The following SMIM1 variants were observed in gnomAD, a reference collection of about 807,000 sequenced individuals.
SMIM1 encodes the protein small integral membrane protein 1 (Vel blood group), also known as small integral membrane protein 1.
A neutral mutation model predicts 7.7 loss-of-function variants in SMIM1; 7 were observed. The ratio of observed to expected loss-of-function variants is 0.91; its 90% CI spans 0.52 to 1.71. The LOEUF (loss-of-function observed/expected upper bound fraction) is 1.71, where lower values mean the gene tolerates loss of function less well. Among genes scored for constraint, SMIM1 ranks in the 40% most tolerant of loss-of-function variants. SMIM1 has a pLI of 0.00. For synonymous variants in SMIM1, 41 were observed against 42.7 expected (o/e 0.96, Z 0.16); for missense variants, 95 against 102.8 (o/e 0.92, Z 0.33).
At chr1:3,773,765 G>A (rs1041746818) in intron 2 of SMIM1, among the ~76,000 whole-genome samples, 1 of 152,196 alleles carries the variant, frequency 6.6e-6, no homozygotes, top group African/African-American at 2.4e-5. Flanking sequence ...TATTAAGCTT[G>A]TCTTACCCGG....
At chr1:3,773,789 C>T (rs1643418358) in intron 2 of SMIM1, among the ~76,000 whole-genome samples, 1 of 152,134 alleles carries the variant, frequency 6.6e-6, no homozygotes, top group Non-Finnish European at 1.5e-5. Context: ...ATGGCTGTTA[C>T]CTGGGGCTGG....
rs1643453140 is a variant in SMIM1, at chr1:3,775,952, C to T, written c.*31C>T. ...GCCCCGCATGCACGCGGGGGGCTGG[C>T]CGCACACGTGAGAGCACAGGCCTGG... On this transcript the variant is annotated 3_prime_UTR_variant, in exon 4 of 4. Transcript: ENST00000642557. This position sits in a 1 kb window ranked among gnomAD's most constrained non-coding sequence, Gnocchi z 5.3. 6.5e-7 allele frequency: 1 copy of T among 1,541,032 alleles called. No individual in the cohort carries two copies. Among genetic ancestry groups the T allele is most frequent in the African/African-American group, 1.4e-5 (1 of 73,174 alleles).
At chr1:3,774,722 C>T (rs1643431592) in intron 2 of SMIM1, among the ~76,000 whole-genome samples, 1 of 152,162 alleles carries the variant, frequency 6.6e-6, no homozygotes, top group East Asian at 1.9e-4. Context: ...CCCCAGCCCT[C>T]CTAGAGGTGT....
At chr1:3,774,911 G>A (rs893327424) in intron 2 of SMIM1, among the ~76,000 whole-genome samples, 9 of 149,112 alleles carry the variant, frequency 6.0e-5, no homozygotes, top group Non-Finnish European at 7.5e-5. Flanking sequence ...GCCAGAAGGC[G>A]CCTTATCGGG....
chr1:3,774,355 C>T (rs1438213052), intron 2 of SMIM1, among the ~76,000 whole-genome samples: 1 of 152,142 alleles, frequency 6.6e-6, no homozygotes, highest in Non-Finnish European at 1.5e-5. Context: ...TCCACCCCCA[C>T]ACCCCCTTAG....
At chr1:3,774,429 AGG>A (rs1643426652) in intron 2 of SMIM1, among the ~76,000 whole-genome samples, 1 of 152,144 alleles carries the variant, frequency 6.6e-6, no homozygotes, top group Non-Finnish European at 1.5e-5. Flanking sequence ...GGGCTGGCTC[AGG>A]CCGGCCGGGC....
In SMIM1 at chr1:3,775,733, A is replaced by G; in HGVS notation, c.111-62A>G. 1 of 1,520,516 alleles carries G rather than the reference A, an allele frequency of 6.6e-7. No individual in the cohort carries two copies. The highest frequency in any genetic ancestry group is 1.2e-5 in the South Asian group (1 of 80,960). 94.2% of individuals were successfully genotyped at this position (1,520,516 alleles called of 1,614,324 possible). On this transcript the variant is annotated intron_variant, in intron 3 of 3. Coordinates refer to ENST00000642557, the MANE Select transcript of SMIM1 (RefSeq NM_001288583.2). The surrounding 1 kb of genome is among the most constrained non-coding windows in gnomAD (Gnocchi z 5.3). ...TGACCCAGACCAACGGCCACAGTCCACTTAGGGGGCCCCTCATGCGGCCCT... is the reference window on the plus strand; with the variant it reads ...TGACCCAGACCAACGGCCACAGTCCGCTTAGGGGGCCCCTCATGCGGCCCT...
chr1:3,775,832 G>C lies in SMIM1; in HGVS notation c.148G>C (p.Ala50Pro), dbSNP rs577823210. 2.6e-6 allele frequency: 4 copies of C among 1,550,728 alleles called. No homozygotes were observed. In the African/African-American group the frequency reaches 5.5e-5, roughly 21 times the overall value. Residue 50 changes from alanine (A) to proline (P), a missense_variant, in exon 4 of 4, where the codon GCC becomes CCC. Physicochemically the swap from Ala to Pro is conservative, Grantham distance 27. Coordinates refer to ENST00000642557, the MANE Select transcript of SMIM1 (RefSeq NM_001288583.2). The surrounding 1 kb of genome is among the most constrained non-coding windows in gnomAD (Gnocchi z 5.3). ...GCTGTGCACGGGCAAGCTGGGCATC[G>C]CCATGAAGGTGCTGGGCGGCGTGGC... ...QRLCTGKLGI[A>P]MKVLGGVALF...
intron 1 of SMIM1, 104 bp downstream of exon 1, chr1:3,772,892 T>A (rs1007414078): frequency 1.4e-4 from 22 of 152,216 alleles, no homozygotes; most frequent in African/African-American, 4.8e-4. Flanking sequence ...GGTGGGGGCG[T>A]GCCCTGGACT....
Position 3,775,275 on chromosome 1 carries a change from G to A in SMIM1, c.-75-24G>A, listed in dbSNP as rs1279238331. 12 of 861,502 alleles carry A rather than the reference G, an allele frequency of 1.4e-5. No homozygotes were observed. Among genetic ancestry groups the A allele is most frequent in the Admixed American group, 5.5e-5 (2 of 36,138 alleles). The allele number at this position is 861,502 out of a possible 1,614,324, so 53.4% of individuals were successfully genotyped here. On this transcript the variant is annotated intron_variant, in intron 2 of 3. Coordinates refer to ENST00000642557, the MANE Select transcript of SMIM1 (RefSeq NM_001288583.2). This position sits in a 1 kb window ranked among gnomAD's most constrained non-coding sequence, Gnocchi z 5.3. ...AGCCTCAGAGGGGGTCTTGACTGCCGCCCTCCATCCGCTTGTTTTACAGTG... is the reference window on the plus strand; with the variant it reads ...AGCCTCAGAGGGGGTCTTGACTGCCACCCTCCATCCGCTTGTTTTACAGTG...
intron 2 of SMIM1, among the ~76,000 whole-genome samples, chr1:3,773,528 T>C (rs1643413497): frequency 6.6e-6 from 1 of 152,004 alleles, no homozygotes; most frequent in Non-Finnish European, 1.5e-5. Flanking sequence ...GGGAGGCCCA[T>C]GGTGGGCTGC....
At chr1:3,774,101 A>T (rs554546700) in intron 2 of SMIM1, among the ~76,000 whole-genome samples, 8 of 151,078 alleles carry the variant, frequency 5.3e-5, no homozygotes, top group African/African-American at 1.7e-4. Context: ...CTTGCAGGGG[A>T]GTGGCTGCTG....
chr1:3,773,922 G>A lies in SMIM1; in HGVS notation c.-76+741G>A, dbSNP rs79972849. On this transcript the variant is annotated intron_variant, in intron 2 of 3. Transcript: ENST00000642557. ...AGCACCCATACTCCAGTAGAGGCTG[G>A]GCCTCTCCGGGCCTGAGTGCCAGGC... Among the ~76,000 whole-genome samples, 672 of 152,318 alleles carry A rather than the reference G, an allele frequency of 4.4e-3. 1 individual carries two copies. The highest frequency in any genetic ancestry group is 0.015 in the African/African-American group (644 of 41,554).
rs577363169 is a variant in SMIM1 at position 3,774,131 on chromosome 1, C to T, written c.-76+950C>T. Among the ~76,000 whole-genome samples, 90 of 152,078 alleles carry T rather than the reference C, an allele frequency of 5.9e-4. 1 individual carries two copies. The highest frequency in any genetic ancestry group is 1.9e-3 in the African/African-American group (77 of 41,380). On this transcript the variant is annotated intron_variant, in intron 2 of 3. Transcript: ENST00000642557. ...CTGCTGTGCCTTTAGGCCTCTGTGC[C>T]GATGACCTGGGAGGAAGGTCAGCCT...
chr1:3,775,530 C>A lies in SMIM1; in HGVS notation c.110+47C>A. On this transcript the variant is annotated intron_variant, in intron 3 of 3. Coordinates refer to ENST00000642557, the MANE Select transcript of SMIM1 (RefSeq NM_001288583.2). This position sits in a 1 kb window ranked among gnomAD's most constrained non-coding sequence, Gnocchi z 5.3. ...TGCCAGCCATAGCAGGCTGGTGTCT[C>A]CCTCCAGAGACGCCTGCCCTAACCC... 1 of 1,499,160 alleles carries A rather than the reference C, an allele frequency of 6.7e-7. No homozygotes were observed. Among genetic ancestry groups the A allele is most frequent in the Non-Finnish European group, 9.0e-7 (1 of 1,106,238 alleles). The allele number at this position is 1,499,160 out of a possible 1,614,324, so 92.9% of individuals were successfully genotyped here. A position where few individuals can be genotyped will look rare whatever the true frequency, so the allele number is the denominator to read the frequency against.
rs1643440590 is a variant in SMIM1 at position 3,775,270 on chromosome 1, C to T, written c.-75-29C>T. 7.3e-6 allele frequency: 6 copies of T among 823,226 alleles called. No individual in the cohort carries two copies. Among genetic ancestry groups the T allele is most frequent in the Non-Finnish European group, 1.1e-5 (6 of 535,816 alleles). 51.0% of individuals were successfully genotyped at this position (823,226 alleles called of 1,614,324 possible). On this transcript the variant is annotated intron_variant, in intron 2 of 3. Coordinates refer to ENST00000642557, the MANE Select transcript of SMIM1 (RefSeq NM_001288583.2). This position sits in a 1 kb window ranked among gnomAD's most constrained non-coding sequence, Gnocchi z 5.3. Reference sequence around the variant, plus strand: ...ACAGCAGCCTCAGAGGGGGTCTTGACTGCCGCCCTCCATCCGCTTGTTTTA... The same window carrying T: ...ACAGCAGCCTCAGAGGGGGTCTTGATTGCCGCCCTCCATCCGCTTGTTTTA...
chr1:3,775,941 CG>C lies in SMIM1; in HGVS notation c.*26del, dbSNP rs1241512593. The C allele has an allele frequency of 1.9e-6, 3 of 1,542,672 alleles. No individual in the cohort carries two copies. Among genetic ancestry groups the C allele is most frequent in the Admixed American group, 2.0e-5 (1 of 50,746 alleles). On this transcript the variant is annotated 3_prime_UTR_variant, in exon 4 of 4. Coordinates refer to ENST00000642557, the MANE Select transcript of SMIM1 (RefSeq NM_001288583.2). The surrounding 1 kb of genome is among the most constrained non-coding windows in gnomAD (Gnocchi z 5.3). ...AAATAAATGCTGCCCCGCATGCACG[CG>C]GGGGGCTGGCCGCACACGTGAGAGC...
At chr1:3,773,039 C>T (rs1436960106) in intron 1 of SMIM1, 24 bp from the exon 2 acceptor site, 2 of 152,388 alleles carry the variant, frequency 1.3e-5, no homozygotes, top group African/African-American at 2.4e-5. Context: ...AGATCGGCTT[C>T]TCCGGTCACC....
At position 3,775,871 on chromosome 1, in the gene SMIM1, ATCT is replaced by A. The variant is rs1354906508; in HGVS notation, c.190_192del (p.Phe64del). 2.6e-6 allele frequency: 4 copies of A among 1,550,808 alleles called. No individual in the cohort carries two copies. The highest frequency in any genetic ancestry group is 3.5e-6 in the Non-Finnish European group (4 of 1,146,932). ...GGGCGGCGTGGCCCTCTTCTGGATC[ATCT>A]TCATCCTGGGCTACCTCACAGGCTA... On this transcript the variant is annotated inframe_deletion, in exon 4 of 4. Coordinates refer to ENST00000642557, the MANE Select transcript of SMIM1 (RefSeq NM_001288583.2). The surrounding 1 kb of genome is among the most constrained non-coding windows in gnomAD (Gnocchi z 5.3).
Sources: gnomAD v4.1 joint callset for allele counts (sites outside exome capture counted in the v4.1 genomes callset) on GRCh38, gnomAD v4.1.1 for gene constraint, Gnocchi (gnomAD v3.1) non-coding constraint, MANE v1.5 for transcripts, NCBI Gene and HGNC (gene_info 2026-07-23, HGNC 2026-07-21) for gene names.